Variants in FER1L6 observed in about 807,000 individuals in gnomAD.
FER1L6 encodes fer-1-like protein 6.
A neutral mutation model predicts 219.2 loss-of-function variants in FER1L6; 177 were observed. The ratio of observed to expected loss-of-function variants is 0.81; its 90% CI spans 0.71 to 0.91. FER1L6 has a LOEUF of 0.91. FER1L6 is among the 40% of genes least tolerant of loss of function. FER1L6 has a pLI of 0.00. For synonymous variants in FER1L6, 768 were observed against 824.3 expected (o/e 0.93, Z 1.17); for missense variants, 2,153 against 2,259.9 (o/e 0.95, Z 0.96).
chr8:124,066,367 G>T, intron 26 of FER1L6, 61 bp from the exon 27 acceptor site: 1 of 1,575,852 alleles, frequency 6.3e-7, no homozygotes, highest in South Asian at 1.2e-5. Context: ...CAAGCCAGTT[G>T]ACCATCAGCA....
At chr8:123,966,999 G>A (rs907096091) in intron 5 of FER1L6, among the ~76,000 whole-genome samples, 21 of 150,778 alleles carry the variant, frequency 1.4e-4, no homozygotes, top group African/African-American at 2.4e-4. Context: ...GAAGAATGGC[G>A]TGAACCCAGG....
intron 21 of FER1L6, among the ~76,000 whole-genome samples, chr8:124,049,337 C>T (rs1376478979): frequency 2.0e-5 from 3 of 152,096 alleles, no homozygotes; most frequent in Admixed American, 6.5e-5. Flanking sequence ...TGAGCTACCG[C>T]GCCTGTATGA....
chr8:124,017,867 G>C, intron 16 of FER1L6, 149 bp downstream of exon 16: 1 of 583,654 alleles, frequency 1.7e-6, no homozygotes, highest in Non-Finnish European at 3.0e-6. Flanking sequence ...TATTTGTTAA[G>C]TTGGAAAGAA....
chr8:124,063,749 C>A (rs1160094142), intron 25 of FER1L6, among the ~76,000 whole-genome samples: 1 of 152,142 alleles, frequency 6.6e-6, no homozygotes, highest in Non-Finnish European at 1.5e-5. Flanking sequence ...CTGTGGCAGC[C>A]ATGGGGGTAC....
chr8:123,872,132 TA>T (rs940387334), intron 1 of FER1L6, among the ~76,000 whole-genome samples: 1 of 152,066 alleles, frequency 6.6e-6, no homozygotes, highest in African/African-American at 2.4e-5. Flanking sequence ...CCACATACTT[TA>T]AACAACCATA....
chr8:124,081,851 C>T (rs1010495294), intron 32 of FER1L6, among the ~76,000 whole-genome samples: 2 of 152,182 alleles, frequency 1.3e-5, no homozygotes, highest in Admixed American at 1.3e-4. Flanking sequence ...AACAATATTG[C>T]ATTTAAACCC....
chr8:123,938,235 G>A (rs1005951474), intron 1 of FER1L6, among the ~76,000 whole-genome samples: 32 of 152,136 alleles, frequency 2.1e-4, no homozygotes, highest in East Asian at 1.9e-4. Flanking sequence ...ATGTTTACAC[G>A]GGGAATACCT....
chr8:124,069,564 GC>G, intron 29 of FER1L6, 89 bp downstream of exon 29: 1 of 862,344 alleles, frequency 1.2e-6, no homozygotes, highest in Non-Finnish European at 1.8e-6. Context: ...CCCTAGTCAT[GC>G]CTTTGTTTGA....
intron 1 of FER1L6, among the ~76,000 whole-genome samples, chr8:123,929,223 T>C (rs1184951375): frequency 6.6e-6 from 1 of 152,224 alleles, no homozygotes; most frequent in African/African-American, 2.4e-5. Flanking sequence ...ATTGAGTGGC[T>C]ACTCTGCCCC....
intron 1 of FER1L6, among the ~76,000 whole-genome samples, chr8:123,918,530 A>C (rs987200493): frequency 3.3e-5 from 5 of 152,124 alleles, no homozygotes; most frequent in Admixed American, 6.6e-5. Flanking sequence ...AAAGTTTTTA[A>C]ACTTTAATTT....
chr8:123,853,560 T>C lies in FER1L6; in HGVS notation c.-8+1375T>C, dbSNP rs1178851971. Among the ~76,000 whole-genome samples the C allele has an allele frequency of 6.6e-6, 1 of 152,220 alleles. No individual in the cohort carries two copies. Among genetic ancestry groups the C allele is most frequent in the Non-Finnish European group, 1.5e-5 (1 of 68,034 alleles). On this transcript the variant is annotated intron_variant, in intron 1 of 40. Coordinates refer to ENST00000522917, the MANE Select transcript of FER1L6 (RefSeq NM_001039112.2). This position sits in a 1 kb window ranked among gnomAD's most constrained non-coding sequence, Gnocchi z 6.6. ...CAAGGCTGTTGAAAAATTGTTACTTTTTTCCTGGGGTATTGTATTAATCAG... is the reference window on the plus strand; with the variant it reads ...CAAGGCTGTTGAAAAATTGTTACTTCTTTCCTGGGGTATTGTATTAATCAG...
Position 124,091,515 on chromosome 8 carries a change from A to T in FER1L6, c.4484A>T (p.His1495Leu). ...KDNKLDGPYF[H>L]PGKIQIGNQV... ...AACAAGCTGGATGGACCCTACTTTC[A>T]CCCTGGGAAAATACAGATAGGAAAC... The change falls in exon 34 of 41, where the codon CAC (histidine) becomes CTC (leucine). Residue 1495 changes from histidine to leucine, a missense_variant. Coordinates refer to ENST00000522917, the MANE Select transcript of FER1L6 (RefSeq NM_001039112.2). 6.2e-7 allele frequency: 1 copy of T among 1,614,060 alleles called. No homozygotes were observed. The highest frequency in any genetic ancestry group is 8.5e-7 in the Non-Finnish European group (1 of 1,179,920).
At chr8:123,869,793 A>G (rs896751234) in intron 1 of FER1L6, among the ~76,000 whole-genome samples, 2 of 152,260 alleles carry the variant, frequency 1.3e-5, no homozygotes, top group African/African-American at 2.4e-5. Context: ...AAGACTTAAT[A>G]TAAAGTGACA....
rs749419455 is a variant in FER1L6, at chr8:124,023,482, C to T, written c.2172C>T (p.Leu724=). 1 of 1,614,190 alleles carries T rather than the reference C, an allele frequency of 6.2e-7. No individual in the cohort carries two copies. Among genetic ancestry groups the T allele is most frequent in the Non-Finnish European group, 8.5e-7 (1 of 1,180,026 alleles). Residue 724 remains leucine, a synonymous_variant, in exon 18 of 41, where the codon CTC becomes CTT. Transcript: ENST00000522917. ...HTIPDVFIWM[L]SNNRRVAYAR... ...TCCCTGACGTTTTCATCTGGATGCT[C>T]AGCAACAACAGGAGAGTGGCCTATG... is the stretch of plus-strand genomic sequence containing the variant.
intron 3 of FER1L6, among the ~76,000 whole-genome samples, chr8:123,965,249 T>C (rs1246201076): frequency 6.6e-6 from 1 of 152,234 alleles, no homozygotes; most frequent in Non-Finnish European, 1.5e-5. Context: ...ATCAGTTCTC[T>C]ATTGGACTCA....
intron 18 of FER1L6, among the ~76,000 whole-genome samples, chr8:124,030,766 A>G (rs1439845563): frequency 6.6e-6 from 1 of 152,160 alleles, no homozygotes; most frequent in Non-Finnish European, 1.5e-5. Context: ...CCTGCCACAG[A>G]GTAAAACCTC....
intron 16 of FER1L6, among the ~76,000 whole-genome samples, chr8:124,021,274 G>A (rs541538027): frequency 6.6e-6 from 1 of 152,252 alleles, no homozygotes; most frequent in Admixed American, 6.5e-5. Context: ...CTTGGATTCA[G>A]GTGCTGGTTA....
chr8:124,051,360 G>C (rs771617992), intron 22 of FER1L6, among the ~76,000 whole-genome samples: 14 of 152,178 alleles, frequency 9.2e-5, no homozygotes, highest in Non-Finnish European at 1.8e-4. Context: ...ACCTCCTGGT[G>C]CCTCAGTGAG....
At chr8:123,944,707 G>A (rs1044136888) in intron 1 of FER1L6, among the ~76,000 whole-genome samples, 16 of 152,108 alleles carry the variant, frequency 1.1e-4, no homozygotes, top group African/African-American at 3.9e-4. Flanking sequence ...ACTATATGAG[G>A]TACAGGGTAA....
Sources: gnomAD v4.1 joint callset for allele counts (sites outside exome capture counted in the v4.1 genomes callset) on GRCh38, gnomAD v4.1.1 for gene constraint, Gnocchi (gnomAD v3.1) non-coding constraint, MANE v1.5 for transcripts, NCBI Gene and HGNC (gene_info 2026-07-23, HGNC 2026-07-21) for gene names.